SPOCK3: variants seen among roughly 807,000 people sequenced by gnomAD.
SPOCK3 encodes the protein testican-3.
A neutral mutation model predicts 56.6 loss-of-function variants in SPOCK3; 30 were observed. The ratio of observed to expected loss-of-function variants is 0.53; its 90% confidence interval spans 0.40 to 0.72. The LOEUF is 0.72. SPOCK3 is among the 30% of genes least tolerant of loss of function. SPOCK3 has a pLI of 0.00. For missense variants in SPOCK3, 527 were observed against 530.0 expected, an observed-to-expected ratio of 0.99 and a Z score of 0.06; for synonymous variants, 196 against 183.3, an observed-to-expected ratio of 1.07 and a Z score of -0.56.
chr4:167,052,686 C>T (rs1296366544), intron 3 of SPOCK3, among the ~76,000 whole-genome samples: 2 of 152,054 alleles, frequency 1.3e-5, no homozygotes, highest in Non-Finnish European at 2.9e-5. Context: ...ATTATGATAC[C>T]ACCATGCCCC....
At chr4:166,903,585 G>A (rs748000741) in intron 5 of SPOCK3, among the ~76,000 whole-genome samples, 3 of 151,908 alleles carry the variant, frequency 2.0e-5, no homozygotes, top group East Asian at 1.9e-4. Context: ...CTTTCATATC[G>A]AGCCTACTCT....
At chr4:167,036,414 TCA>T (rs1260891404) in intron 3 of SPOCK3, among the ~76,000 whole-genome samples, 1 of 152,188 alleles carries the variant, frequency 6.6e-6, no homozygotes, top group Non-Finnish European at 1.5e-5. Flanking sequence ...TTGTGCCCAG[TCA>T]CAGTTTCAAC....
intron 9 of SPOCK3, among the ~76,000 whole-genome samples, chr4:166,738,637 A>T (rs1157085167): frequency 1.0e-5 from 1 of 96,922 alleles, no homozygotes; most frequent in Non-Finnish European, 1.9e-5. Context: ...ACCCCACAAC[A>T]GTCCCCAGAG....
intron 8 of SPOCK3, among the ~76,000 whole-genome samples, chr4:166,747,541 A>C (rs947824955): frequency 1.3e-5 from 2 of 152,202 alleles, no homozygotes; most frequent in African/African-American, 4.8e-5. Flanking sequence ...CTGAATGGCC[A>C]AAAACTGGAA....
intron 2 of SPOCK3, among the ~76,000 whole-genome samples, chr4:167,066,013 T>G (rs563277900): frequency 6.6e-6 from 1 of 152,032 alleles, no homozygotes; most frequent in Non-Finnish European, 1.5e-5. Flanking sequence ...CCATTAGAAT[T>G]TAATATTAAA....
chr4:166,898,416 C>A (rs752457504), intron 5 of SPOCK3, among the ~76,000 whole-genome samples: 1 of 152,048 alleles, frequency 6.6e-6, no homozygotes, highest in Non-Finnish European at 1.5e-5. Context: ...GGGGGTGATA[C>A]AAGCTTTTAA....
intron 2 of SPOCK3, among the ~76,000 whole-genome samples, chr4:167,115,911 C>A (rs1427903373): frequency 1.3e-5 from 2 of 151,936 alleles, no homozygotes; most frequent in African/African-American, 4.8e-5. Context: ...TATCTCTAAA[C>A]AAACTAAAAC....
chr4:166,816,596 G>A (rs1367975840), intron 6 of SPOCK3, among the ~76,000 whole-genome samples: 1 of 151,920 alleles, frequency 6.6e-6, no homozygotes, highest in Non-Finnish European at 1.5e-5. Context: ...ATATCACTGT[G>A]TTGATTGGAG....
intron 2 of SPOCK3, among the ~76,000 whole-genome samples, chr4:167,188,675 C>T (rs1322091842): frequency 6.9e-6 from 1 of 145,720 alleles, no homozygotes; most frequent in Non-Finnish European, 1.5e-5. Context: ...TCAAAGCAAC[C>T]TGGTTCTTTG....
chr4:166,863,375 C>T (rs1262362742), intron 6 of SPOCK3, among the ~76,000 whole-genome samples: 1 of 152,074 alleles, frequency 6.6e-6, no homozygotes, highest in Non-Finnish European at 1.5e-5. Context: ...GAAATTGCAT[C>T]AACGAATGTG....
chr4:167,170,484 A>G (rs1349850518), intron 2 of SPOCK3, among the ~76,000 whole-genome samples: 1 of 152,156 alleles, frequency 6.6e-6, no homozygotes, highest in Non-Finnish European at 1.5e-5. Context: ...AGCAATTTGA[A>G]TGGGAAAGGC....
At chr4:167,180,754 A>G (rs1452843749) in intron 2 of SPOCK3, among the ~76,000 whole-genome samples, 1 of 152,206 alleles carries the variant, frequency 6.6e-6, no homozygotes, top group Non-Finnish European at 1.5e-5. Context: ...AAGAAAGGCT[A>G]GATTTAAATC....
chr4:167,209,581 C>T (rs1365249743), intron 2 of SPOCK3, among the ~76,000 whole-genome samples: 3 of 151,970 alleles, frequency 2.0e-5, no homozygotes, highest in Admixed American at 6.6e-5. Context: ...TCCTGTTGCC[C>T]TATCTAGAAT....
intron 4 of SPOCK3, among the ~76,000 whole-genome samples, chr4:166,977,691 T>C (rs1208119404): frequency 6.6e-6 from 1 of 152,140 alleles, no homozygotes; most frequent in Non-Finnish European, 1.5e-5. Flanking sequence ...ATGAGCATTC[T>C]AGAGTAAGTC....
intron 8 of SPOCK3, among the ~76,000 whole-genome samples, chr4:166,743,831 C>T (rs1212210594): frequency 1.3e-5 from 2 of 152,210 alleles, no homozygotes; most frequent in East Asian, 3.9e-4. Flanking sequence ...TGGTGGGTCC[C>T]ACGCCCATGG....
intron 7 of SPOCK3, among the ~76,000 whole-genome samples, chr4:166,791,552 T>C (rs1741349897): frequency 6.6e-6 from 1 of 152,206 alleles, no homozygotes; most frequent in African/African-American, 2.4e-5. Context: ...ATGAAAATAA[T>C]ATAAAATGAA....
chr4:167,024,331 T>C (rs1751489376), intron 3 of SPOCK3, among the ~76,000 whole-genome samples: 1 of 152,030 alleles, frequency 6.6e-6, no homozygotes, highest in South Asian at 2.1e-4. Context: ...TTAATTCCAA[T>C]AGTCAGAATT....
intron 4 of SPOCK3, among the ~76,000 whole-genome samples, chr4:166,934,777 T>C (rs1298011677): frequency 1.3e-5 from 2 of 152,206 alleles, no homozygotes; most frequent in East Asian, 1.9e-4. Context: ...AAAGATGAAA[T>C]GCTTCCTGCT....
intron 4 of SPOCK3, among the ~76,000 whole-genome samples, chr4:166,951,311 C>CA (rs879477833): frequency 2.9e-5 from 4 of 137,234 alleles, no homozygotes; most frequent in East Asian, 2.1e-4. Flanking sequence ...CACCTCTACG[C>CA]AAAAAAACTA....
Sources: allele counts gnomAD v4.1 joint callset (sites outside exome capture counted in the v4.1 genomes callset), GRCh38; gene constraint gnomAD v4.1.1; transcripts MANE v1.5; gene names NCBI Gene and HGNC (gene_info 2026-07-23, HGNC 2026-07-21).